The following ITPR1 variants were observed in gnomAD, a reference collection of about 807,000 sequenced individuals.
ITPR1 encodes the protein inositol 1,4,5-trisphosphate receptor type 1.
In ITPR1, 96 loss-of-function variants were observed where a neutral mutation model predicts 318.4. The observed-to-expected ratio is 0.30, with a 90% CI of 0.26 to 0.36. ITPR1 has a LOEUF of 0.36. ITPR1 is among the 10% of genes least tolerant of loss of function. ITPR1 has a pLI of 1.00. For missense variants in ITPR1, 2,440 were observed against 3,460.2 expected, an observed-to-expected ratio of 0.71 and a Z score of 7.40; for synonymous variants, 1,312 against 1,289.9, an observed-to-expected ratio of 1.02 and a Z score of -0.37.
chr3:4,713,932 C>G (rs1472889288), intron 39 of ITPR1, among the ~76,000 whole-genome samples: 2 of 152,150 alleles, frequency 1.3e-5, no homozygotes, highest in Non-Finnish European at 2.9e-5. Context: ...CCCATGTTAG[C>G]CACTCCAAAC....
In ITPR1 at chr3:4,687,308, C is replaced by T. The variant is rs370001918; in HGVS notation, c.3703-1187C>T. On this transcript the variant is annotated intron_variant, in intron 30 of 61. Coordinates refer to ENST00000649015, the MANE Select transcript of ITPR1 (RefSeq NM_001378452.1). Reference sequence around the variant, plus strand: ...GCCCGGAACCAAAAGCTAACATTTACAGAGTAATCACTGTCTAAGCACTTC... The same window carrying T: ...GCCCGGAACCAAAAGCTAACATTTATAGAGTAATCACTGTCTAAGCACTTC... 2.0e-4 allele frequency among the ~76,000 whole-genome samples: 30 copies of T among 152,344 alleles called. No individual in the cohort carries two copies. The East Asian group carries it at 4.0e-3, about 21-fold the overall frequency.
rs570974912 is a variant in ITPR1, at chr3:4,591,748, G to A, written c.164-36015G>A. ...GAGAAGCTTATGATCACTTGTAGTA[G>A]CTAAGATTGATATCAGAATGTGAAA... On this transcript the variant is annotated intron_variant, in intron 4 of 61. Transcript: ENST00000649015. Among the ~76,000 whole-genome samples, 14 of 152,288 alleles carry A rather than the reference G, an allele frequency of 9.2e-5. No individual in the cohort carries two copies. In the East Asian group the frequency reaches 2.5e-3, roughly 27 times the overall value.
At chr3:4,587,174 C>T (rs2089989514) in intron 4 of ITPR1, among the ~76,000 whole-genome samples, 1 of 151,798 alleles carries the variant, frequency 6.6e-6, no homozygotes, top group Middle Eastern at 3.4e-3. Flanking sequence ...ATGCAGATTC[C>T]GAAACAGCCT....
intron 2 of ITPR1, among the ~76,000 whole-genome samples, chr3:4,498,725 A>C (rs1414930094): frequency 1.3e-5 from 2 of 152,256 alleles, no homozygotes; most frequent in East Asian, 3.8e-4. Context: ...AGAAAAGGAA[A>C]GTTTGACAAA....
chr3:4,596,029 C>CA (rs1211250242), intron 4 of ITPR1: 1 of 152,116 alleles, frequency 6.6e-6, no homozygotes, highest in African/African-American at 2.4e-5. Flanking sequence ...TGATTTATTG[C>CA]AGGGGGTGGG....
At chr3:4,531,459 G>A (rs1055267134) in intron 4 of ITPR1, among the ~76,000 whole-genome samples, 5 of 152,018 alleles carry the variant, frequency 3.3e-5, no homozygotes, top group Non-Finnish European at 2.9e-5. Context: ...CGTTTACTGC[G>A]GCTAGGGGAA....
At chr3:4,695,639 C>T (rs145491425) in intron 33 of ITPR1, among the ~76,000 whole-genome samples, 2 of 152,280 alleles carry the variant, frequency 1.3e-5, no homozygotes, top group South Asian at 4.1e-4. Context: ...CATCCCTCAA[C>T]AATATAGTTT....
At chr3:4,706,944 C>T (rs1201253295) in intron 37 of ITPR1, among the ~76,000 whole-genome samples, 2 of 152,184 alleles carry the variant, frequency 1.3e-5, no homozygotes, top group Non-Finnish European at 2.9e-5. Context: ...TTGATGCTCT[C>T]ACAGGTAGTA....
intron 5 of ITPR1, among the ~76,000 whole-genome samples, chr3:4,633,652 T>A (rs17041075): frequency 0.19 from 28,279 of 152,194 alleles, 5,696 homozygotes; most frequent in African/African-American, 0.5. Flanking sequence ...CTTGGTCATG[T>A]TTTCCTAAGG....
At position 4,688,498 on chromosome 3, in the gene ITPR1, G is replaced by C; in HGVS notation, c.3706G>C (p.Glu1236Gln). The C allele has an allele frequency of 6.2e-7, 1 of 1,613,912 alleles. No individual in the cohort carries two copies. Among genetic ancestry groups the C allele is most frequent in the Non-Finnish European group, 8.5e-7 (1 of 1,179,814 alleles). ...ELLQIPYEKAEDTKMQEIMRL... is the reference protein window; with the variant it reads ...ELLQIPYEKAQDTKMQEIMRL... ...TCATCTGTCTCCTCCCACACAGGCC[G>C]AAGATACCAAGATGCAAGAGATAAT... Residue 1236 changes from glutamate (E) to glutamine (Q), a missense_variant, in exon 31 of 62, where the codon GAA (glutamate) becomes CAA (glutamine). By Grantham distance (29) the Glu-to-Gln change is conservative (BLOSUM62 2). Coordinates refer to ENST00000649015, the MANE Select transcript of ITPR1 (RefSeq NM_001378452.1).
chr3:4,552,471 G>C (rs1384418157), intron 4 of ITPR1, among the ~76,000 whole-genome samples: 1 of 152,168 alleles, frequency 6.6e-6, no homozygotes, highest in Non-Finnish European at 1.5e-5. Context: ...ATATTACAAA[G>C]GATACAGATA....
intron 4 of ITPR1, among the ~76,000 whole-genome samples, chr3:4,611,033 C>T (rs1277533077): frequency 1.1e-4 from 7 of 66,576 alleles, no homozygotes; most frequent in African/African-American, 3.5e-4. Flanking sequence ...CTTCCTCCCT[C>T]CCTCCCTCCC....
In ITPR1 at chr3:4,655,887, G is replaced by A. The variant is rs535813170; in HGVS notation, c.996+2001G>A. ...GGCCAACAGCACAGATCTGCCCGGTGGCAAGGTGTTAGTACTGGGAGGACC... is the reference window on the plus strand; with the variant it reads ...GGCCAACAGCACAGATCTGCCCGGTAGCAAGGTGTTAGTACTGGGAGGACC... On this transcript the variant is annotated intron_variant, in intron 12 of 61. Coordinates refer to ENST00000649015, the MANE Select transcript of ITPR1 (RefSeq NM_001378452.1). 9.2e-5 allele frequency among the ~76,000 whole-genome samples: 14 copies of A among 152,288 alleles called. No homozygotes were observed. The South Asian group carries it at 2.9e-3, about 32-fold the overall frequency.
chr3:4,718,976 AC>A (rs2041957628), intron 40 of ITPR1, among the ~76,000 whole-genome samples: 1 of 152,214 alleles, frequency 6.6e-6, no homozygotes, highest in African/African-American at 2.4e-5. Flanking sequence ...TTGCTTAAGT[AC>A]AAATGAAGTC....
intron 61 of ITPR1, among the ~76,000 whole-genome samples, chr3:4,838,534 TA>T (rs1291948161): frequency 1.3e-5 from 2 of 152,198 alleles, no homozygotes; most frequent in East Asian, 3.8e-4. Flanking sequence ...ATCAGATGTT[TA>T]AATTAGGTGC....
intron 4 of ITPR1, among the ~76,000 whole-genome samples, chr3:4,545,691 CT>C (rs71623167): frequency 0.02 from 2,088 of 103,398 alleles, 40 homozygotes; most frequent in African/African-American, 0.064. Context: ...AGTATGCAAA[CT>C]TTTTTTTTTT....
chr3:4,645,164 G>T (rs767449256), intron 8 of ITPR1, among the ~76,000 whole-genome samples: 12 of 152,192 alleles, frequency 7.9e-5, no homozygotes, highest in Non-Finnish European at 1.6e-4. Context: ...ATTAGTCATG[G>T]TTGGAATGTG....
At chr3:4,601,624 A>C (rs976636610) in intron 4 of ITPR1, among the ~76,000 whole-genome samples, 2 of 152,224 alleles carry the variant, frequency 1.3e-5, no homozygotes, top group African/African-American at 4.8e-5. Context: ...CATAGGTGTA[A>C]ATCTTCATGG....
intron 43 of ITPR1, 44 bp from the exon 44 acceptor site, chr3:4,735,120 C>T: frequency 6.8e-7 from 1 of 1,480,088 alleles, no homozygotes; most frequent in Non-Finnish European, 9.4e-7. Flanking sequence ...CAAACATTAG[C>T]TGTTCTGATT....
Sources: allele counts gnomAD v4.1 joint callset (sites outside exome capture counted in the v4.1 genomes callset), GRCh38; gene constraint gnomAD v4.1.1; transcripts MANE v1.5; gene names NCBI Gene and HGNC (gene_info 2026-07-23, HGNC 2026-07-21).